The following OXNAD1 variants were observed in gnomAD, a reference collection of about 807,000 sequenced individuals.
OXNAD1 encodes the protein oxidoreductase NAD binding domain containing 1, also known as oxidoreductase NAD-binding domain-containing protein 1.
OXNAD1 carries 34 observed loss-of-function variants against 32.9 expected under a neutral mutation model. That is an observed-to-expected ratio of 1.03 (90% CI 0.79 to 1.38). The LOEUF (loss-of-function observed/expected upper bound fraction) is 1.38, where lower values mean the gene tolerates loss of function less well. Ranked by LOEUF, OXNAD1 falls within the 40% of genes most tolerant of loss-of-function variation. OXNAD1 has a pLI of 0.00. For missense variants in OXNAD1, 407 were observed against 379.4 expected, an observed-to-expected ratio of 1.07 and a Z score of -0.60; for synonymous variants, 134 against 135.2, an observed-to-expected ratio of 0.99 and a Z score of 0.06.
At chr3:16,270,828 T>C in intron 2 of OXNAD1, 117 bp from the exon 3 acceptor site, 1 of 1,444,032 alleles carries the variant, frequency 6.9e-7, no homozygotes, top group Non-Finnish European at 9.3e-7. Flanking sequence ...GGTGGTAACT[T>C]GACTCATAAT....
rs1192130187 is a variant in OXNAD1 at position 16,301,598 on chromosome 3, C to T, written c.433-28C>T. On this transcript the variant is annotated intron_variant, in intron 6 of 8. Coordinates refer to ENST00000285083, the MANE Select transcript of OXNAD1 (RefSeq NM_138381.5). The surrounding 1 kb of genome is among the most constrained non-coding windows in gnomAD (Gnocchi z 4.1). Reference sequence around the variant, plus strand: ...GGTTTAAGACCTTTGCTACAAAAGACTAAAAGGTCTTTTCTTTCCTGCCTT... The same window carrying T: ...GGTTTAAGACCTTTGCTACAAAAGATTAAAAGGTCTTTTCTTTCCTGCCTT... The T allele has an allele frequency of 4.0e-5, 65 of 1,612,152 alleles. No individual in the cohort carries two copies. The highest frequency in any genetic ancestry group is 4.7e-5 in the Non-Finnish European group (55 of 1,178,958).
At chr3:16,291,568 T>C (rs1481330225) in intron 5 of OXNAD1, among the ~76,000 whole-genome samples, 8 of 152,246 alleles carry the variant, frequency 5.3e-5, no homozygotes, top group Non-Finnish European at 1.0e-4. Flanking sequence ...TCAGGGTTCA[T>C]CTATGTTGTA....
Position 16,284,377 on chromosome 3 carries a change from C to G in OXNAD1, c.184-1965C>G, listed in dbSNP as rs576827888. 1.4e-5 allele frequency among the ~76,000 whole-genome samples: 2 copies of G among 145,898 alleles called. No individual in the cohort carries two copies. Among genetic ancestry groups the G allele is most frequent in the African/African-American group, 5.5e-5 (2 of 36,334 alleles). On this transcript the variant is annotated intron_variant, in intron 4 of 8. Transcript: ENST00000285083. The surrounding 1 kb of genome is among the most constrained non-coding windows in gnomAD (Gnocchi z 4.1). ...GTGTCATTAGCTGATTGTCATTGTG[C>G]AGACATAGAGTGTACTTAAACAAAC...
rs550093571 is a variant in OXNAD1 at position 16,271,662 on chromosome 3, A to C, written c.123A>C (p.Ile41=). The change falls in exon 4 of 9, where the codon ATA becomes ATC. Residue 41 remains isoleucine (I), a synonymous_variant. Transcript: ENST00000285083. The surrounding 1 kb of genome is among the most constrained non-coding windows in gnomAD (Gnocchi z 4.6). ...CTAATTTTACTTTCTATTAAAGCAT[A>C]ATGAAATCCAAAAGGAAAACTGATC... ...STLRHLTLTS[I]MKSKRKTDHM... 9.4e-6 allele frequency: 15 copies of C among 1,596,436 alleles called. 1 individual carries two copies. In the African/African-American group the frequency reaches 9.5e-5, roughly 10 times the overall value.
Position 16,345,817 on chromosome 3 carries a change from TGCGCGCGCGCGTGC to T in OXNAD1, c.*31-3354_*31-3341del, listed in dbSNP as rs1479243406. ...GTGTGTGTGTGTGTGTGTGTGTGTG[TGCGCGCGCGCGTGC>T]GCGCACGCGCACATGTGCATGTGTA... On this transcript the variant is annotated intron_variant, in intron 9 of 9. Transcript: ENST00000606098. The surrounding 1 kb of genome is among the most constrained non-coding windows in gnomAD (Gnocchi z 5.2). Among the ~76,000 whole-genome samples the T allele has an allele frequency of 2.7e-5, 2 of 74,618 alleles. No homozygotes were observed. The highest frequency in any genetic ancestry group is 2.4e-4 in the Admixed American group (2 of 8,364). 49.0% of individuals were successfully genotyped at this position (74,618 alleles called of 152,430 possible).
intron 4 of OXNAD1, among the ~76,000 whole-genome samples, chr3:16,282,532 A>G (rs1308322716): frequency 6.6e-6 from 1 of 152,172 alleles, no homozygotes; most frequent in African/African-American, 2.4e-5. Context: ...TACATGCTGA[A>G]TATGGTCAGA....
At position 16,327,184 on chromosome 3, in the gene OXNAD1, A is replaced by G. The variant is rs1259586004; in HGVS notation, c.*31-9928A>G. Among the ~76,000 whole-genome samples, 1 of 152,190 alleles carries G rather than the reference A, an allele frequency of 6.6e-6. No individual in the cohort carries two copies. The highest frequency in any genetic ancestry group is 1.5e-5 in the Non-Finnish European group (1 of 68,040). On this transcript the variant is annotated intron_variant, in intron 9 of 9. Transcript: ENST00000435829. The surrounding 1 kb of genome is among the most constrained non-coding windows in gnomAD (Gnocchi z 4.2). ...TAGCCTCCTGTGAGTTTCACTGACGAAGCATAACTGTCTCACCTCTGAGCG... is the reference window on the plus strand; with the variant it reads ...TAGCCTCCTGTGAGTTTCACTGACGGAGCATAACTGTCTCACCTCTGAGCG...
intron 4 of OXNAD1, 118 bp from the exon 5 acceptor site, chr3:16,286,224 C>A: frequency 1.3e-6 from 1 of 756,484 alleles, no homozygotes; most frequent in South Asian, 1.8e-5. Flanking sequence ...CCTTGTTTGG[C>A]AATTTTCAAA....
downstream of OXNAD1, among the ~76,000 whole-genome samples, chr3:16,307,184 T>C (rs2067619708): frequency 6.6e-6 from 1 of 152,208 alleles, no homozygotes; most frequent in Non-Finnish European, 1.5e-5. Context: ...CCAGTGAGAT[T>C]ATTTAAAGTA....
In OXNAD1 at chr3:16,320,324, TGATTAAAAGAA is replaced by T. The variant is rs2068901612; in HGVS notation, c.*30+16735_*30+16745del. Among the ~76,000 whole-genome samples the T allele has an allele frequency of 6.6e-6, 1 of 152,230 alleles. No individual in the cohort carries two copies. Among genetic ancestry groups the T allele is most frequent in the Non-Finnish European group, 1.5e-5 (1 of 68,040 alleles). On this transcript the variant is annotated intron_variant, in intron 9 of 9. Transcript: ENST00000435829. This position sits in a 1 kb window ranked among gnomAD's most constrained non-coding sequence, Gnocchi z 4.5. ...GATTAGAAAAATCTATCCATGTTGC[TGATTAAAAGAA>T]GACTAAATATGCCACATCCTCGGTG...
In OXNAD1 at chr3:16,325,581, G is replaced by T. The variant is rs146981665; in HGVS notation, c.*31-11531G>T. 9.8e-5 allele frequency among the ~76,000 whole-genome samples: 15 copies of T among 152,328 alleles called. No individual in the cohort carries two copies. The East Asian group carries it at 2.9e-3, about 29-fold the overall frequency. ...TGGCAGACTGAAGACTTGGGTTCAAGTCTTCAGGCCCCAAATCCAGGGTTC... is the reference window on the plus strand; with the variant it reads ...TGGCAGACTGAAGACTTGGGTTCAATTCTTCAGGCCCCAAATCCAGGGTTC... On this transcript the variant is annotated intron_variant, in intron 9 of 9. Transcript: ENST00000435829.
downstream of OXNAD1, among the ~76,000 whole-genome samples, chr3:16,352,060 A>G (rs995802398): frequency 6.6e-6 from 1 of 152,264 alleles, no homozygotes; most frequent in Admixed American, 6.5e-5. The surrounding 1 kb of genome is among the most constrained non-coding windows in gnomAD (Gnocchi z 4.6). Context: ...ATGTATTTAC[A>G]TACTTTACAT....
At position 16,304,166 on chromosome 3, in the gene OXNAD1, A is replaced by T. The variant is rs146736810; in HGVS notation, c.*604A>T. ...TTGCTTTCTTGTTAATGAATATCCT[A>T]AGTGTGTATCCTGACTAATTGTTAG... On this transcript the variant is annotated 3_prime_UTR_variant, in exon 9 of 9. Transcript: ENST00000285083. This position sits in a 1 kb window ranked among gnomAD's most constrained non-coding sequence, Gnocchi z 4.6. 1 of 152,358 alleles carries T rather than the reference A, an allele frequency of 6.6e-6. No individual in the cohort carries two copies. The highest frequency in any genetic ancestry group is 2.4e-5 in the African/African-American group (1 of 41,564). The allele number at this position is 152,358 out of a possible 1,614,324, so 9.4% of individuals were successfully genotyped here.
rs1352180653 is a variant in OXNAD1 at position 16,289,600 on chromosome 3, T to C, written c.290+3152T>C. Among the ~76,000 whole-genome samples, 1 of 151,094 alleles carries C rather than the reference T, an allele frequency of 6.6e-6. No individual in the cohort carries two copies. Among genetic ancestry groups the C allele is most frequent in the Non-Finnish European group, 1.5e-5 (1 of 67,656 alleles). On this transcript the variant is annotated intron_variant, in intron 5 of 8. Coordinates refer to ENST00000285083, the MANE Select transcript of OXNAD1 (RefSeq NM_138381.5). The surrounding 1 kb of genome is among the most constrained non-coding windows in gnomAD (Gnocchi z 4.9). ...GGGCTGCCACACTGTAGATAGATAA[T>C]ATCCTTGCAACCTACACAAGCATGT... is the stretch of plus-strand genomic sequence containing the variant.
chr3:16,330,489 T>C (rs552506909), intron 9 of OXNAD1, among the ~76,000 whole-genome samples: 1 of 152,122 alleles, frequency 6.6e-6, no homozygotes, highest in Non-Finnish European at 1.5e-5. Flanking sequence ...TTTGTGACAC[T>C]CCAGTGAGGA....
chr3:16,281,830 C>T (rs192243430), intron 4 of OXNAD1, among the ~76,000 whole-genome samples: 2 of 150,722 alleles, frequency 1.3e-5, no homozygotes, highest in East Asian at 1.9e-4. Flanking sequence ...TAATCTACCT[C>T]GAGGCTGTAT....
At chr3:16,326,830 G>T (rs1415686291) in intron 9 of OXNAD1, 2 of 1,613,970 alleles carry the variant, frequency 1.2e-6, no homozygotes, top group Admixed American at 1.7e-5. Context: ...GCCATAGGCC[G>T]CCAGCGAGTT....
downstream of OXNAD1, among the ~76,000 whole-genome samples, chr3:16,340,853 CAA>C (rs1165625641): frequency 3.3e-5 from 5 of 152,116 alleles, no homozygotes; most frequent in East Asian, 9.6e-4. Flanking sequence ...GTAAGGCCCT[CAA>C]GAGAATGAGA....
intron 4 of OXNAD1, among the ~76,000 whole-genome samples, chr3:16,274,677 T>G (rs968159054): frequency 5.3e-5 from 8 of 152,330 alleles, no homozygotes; most frequent in African/African-American, 1.9e-4. Flanking sequence ...GGGACTGAGC[T>G]TCAGTCTTGA....
Sources: gnomAD v4.1 joint callset for allele counts (sites outside exome capture counted in the v4.1 genomes callset) on GRCh38, gnomAD v4.1.1 for gene constraint, Gnocchi (gnomAD v3.1) non-coding constraint, MANE v1.5 for transcripts, NCBI Gene and HGNC (gene_info 2026-07-23, HGNC 2026-07-21) for gene names.